The following CHRM3 variants were observed in gnomAD, a reference collection of about 807,000 sequenced individuals.
CHRM3 encodes cholinergic receptor muscarinic 3.
CHRM3 carries 11 observed loss-of-function variants against 41.8 expected under a neutral mutation model. The observed-to-expected ratio is 0.26, with a 90% CI of 0.17 to 0.44. The LOEUF (loss-of-function observed/expected upper bound fraction) is 0.44. Ranked by LOEUF, CHRM3 falls within the 20% of genes least tolerant of loss-of-function variation. The pLI is 1.00. For missense variants in CHRM3, 571 were observed against 745.4 expected (o/e 0.77, Z 2.72); for synonymous variants, 297 against 301.4 (o/e 0.99, Z 0.15).
At chr1:239,881,236 T>G (rs583084) in intron 6 of CHRM3, among the ~76,000 whole-genome samples, 2 of 136,782 alleles carry the variant, frequency 1.5e-5, no homozygotes, top group African/African-American at 5.9e-5. Flanking sequence ...TGAGCCGAGA[T>G]CCCGCCCCTG....
At chr1:239,523,787 T>G (rs1669813069) in intron 2 of CHRM3, among the ~76,000 whole-genome samples, 1 of 152,174 alleles carries the variant, frequency 6.6e-6, no homozygotes, top group African/African-American at 2.4e-5. Flanking sequence ...CAAACAAAAT[T>G]AATGGGATAA....
At chr1:239,467,306 A>T (rs1665800645) in intron 1 of CHRM3, among the ~76,000 whole-genome samples, 1 of 151,894 alleles carries the variant, frequency 6.6e-6, no homozygotes, top group Non-Finnish European at 1.5e-5. Flanking sequence ...AAATGCCTCT[A>T]GTTCTTTTTT....
At chr1:239,502,690 A>G (rs746020402) in intron 2 of CHRM3, among the ~76,000 whole-genome samples, 2 of 152,228 alleles carry the variant, frequency 1.3e-5, no homozygotes, top group African/African-American at 2.4e-5. Flanking sequence ...CCTTAACAAA[A>G]TACTAGCTAA....
At chr1:239,449,731 C>T (rs896127612) in intron 1 of CHRM3, among the ~76,000 whole-genome samples, 8 of 146,194 alleles carry the variant, frequency 5.5e-5, no homozygotes, top group African/African-American at 1.9e-4. Flanking sequence ...TTGTCACATT[C>T]TGGTGTGTGT....
chr1:239,623,483 G>GTATTTTTTTT (rs1553342738), intron 3 of CHRM3, among the ~76,000 whole-genome samples: 1 of 133,498 alleles, frequency 7.5e-6, no homozygotes, highest in Non-Finnish European at 1.6e-5. Flanking sequence ...TGGTGTATAA[G>GTATTTTTTTT]TTTTTTTTTT....
chr1:239,403,083 T>A (rs1017452452), intron 1 of CHRM3, among the ~76,000 whole-genome samples: 1 of 152,208 alleles, frequency 6.6e-6, no homozygotes, highest in Non-Finnish European at 1.5e-5. Context: ...ACATCTATTA[T>A]AACATTTACC....
intron 3 of CHRM3, among the ~76,000 whole-genome samples, chr1:239,592,053 T>C (rs1664218071): frequency 6.6e-6 from 1 of 152,206 alleles, no homozygotes; most frequent in Non-Finnish European, 1.5e-5. Flanking sequence ...GTTTCCAGAA[T>C]TCCAGTCTTT....
intron 6 of CHRM3, among the ~76,000 whole-genome samples, chr1:239,851,970 T>C (rs904654228): frequency 3.3e-5 from 5 of 152,132 alleles, no homozygotes; most frequent in Admixed American, 3.3e-4. Context: ...TGAGTCAGTC[T>C]GTTATTTTAA....
At chr1:239,797,418 A>G (rs990135416) in intron 5 of CHRM3, among the ~76,000 whole-genome samples, 3 of 152,154 alleles carry the variant, frequency 2.0e-5, no homozygotes, top group Admixed American at 2.0e-4. Flanking sequence ...AAAAAAAAAA[A>G]AAGAGTAAGA....
intron 2 of CHRM3, among the ~76,000 whole-genome samples, chr1:239,532,050 T>C (rs1211764264): frequency 7.8e-6 from 1 of 128,586 alleles, no homozygotes; most frequent in Non-Finnish European, 1.6e-5. Context: ...TCTTGCCCTG[T>C]CTCCCAGGCT....
intron 1 of CHRM3, among the ~76,000 whole-genome samples, chr1:239,462,837 A>T (rs1174468546): frequency 6.6e-6 from 1 of 152,226 alleles, no homozygotes. Context: ...CCATAGTGGG[A>T]AGTACACTTA....
intron 5 of CHRM3, among the ~76,000 whole-genome samples, chr1:239,801,006 A>G (rs1670170770): frequency 6.6e-6 from 1 of 152,108 alleles, no homozygotes; most frequent in African/African-American, 2.4e-5. Context: ...TTAGAGGAAA[A>G]GTTTCAAAAG....
intron 1 of CHRM3, among the ~76,000 whole-genome samples, chr1:239,480,833 C>G (rs1666804747): frequency 6.6e-6 from 1 of 152,120 alleles, no homozygotes; most frequent in Non-Finnish European, 1.5e-5. Context: ...GCTGGGATTA[C>G]AGGCGTGAGC....
At chr1:239,556,368 A>G (rs1660356146) in intron 3 of CHRM3, among the ~76,000 whole-genome samples, 1 of 152,240 alleles carries the variant, frequency 6.6e-6, no homozygotes, top group African/African-American at 2.4e-5. Flanking sequence ...TCAAAAAATA[A>G]TGTAGTCAAA....
chr1:239,710,274 T>C lies in CHRM3; in HGVS notation c.-147+31986T>C, dbSNP rs540088588. Among the ~76,000 whole-genome samples the C allele has an allele frequency of 3.9e-5, 6 of 152,296 alleles. No homozygotes were observed. In the East Asian group the frequency reaches 1.2e-3, roughly 29 times the overall value. ...CTCTCTATATATGTAACTATACCCA[T>C]ATATATGTGTTTGTATGTATATAAC... On this transcript the variant is annotated intron_variant, in intron 5 of 6. Transcript: ENST00000676153.
At chr1:239,799,855 G>A (rs989000087) in intron 5 of CHRM3, among the ~76,000 whole-genome samples, 2 of 152,160 alleles carry the variant, frequency 1.3e-5, no homozygotes, top group African/African-American at 4.8e-5. Flanking sequence ...ATGAGTAACA[G>A]GGTCAAATGA....
At chr1:239,847,214 T>G (rs61442613) in intron 6 of CHRM3, among the ~76,000 whole-genome samples, 4,850 of 152,278 alleles carry the variant, frequency 0.032, 263 homozygotes, top group African/African-American at 0.11. Flanking sequence ...ATTCAACACT[T>G]CCTTTTATTT....
chr1:239,690,590 A>T (rs1659622112), intron 5 of CHRM3, among the ~76,000 whole-genome samples: 1 of 152,036 alleles, frequency 6.6e-6, no homozygotes, highest in South Asian at 2.1e-4. Context: ...GGCTACATTA[A>T]CATAAATTGA....
At chr1:239,593,600 A>C (rs952344983) in intron 3 of CHRM3, among the ~76,000 whole-genome samples, 1 of 152,220 alleles carries the variant, frequency 6.6e-6, no homozygotes, top group Non-Finnish European at 1.5e-5. Context: ...ATGACGATGA[A>C]TATTAGAACT....
Sources: allele counts gnomAD v4.1 joint callset (sites outside exome capture counted in the v4.1 genomes callset), GRCh38; gene constraint gnomAD v4.1.1; transcripts MANE v1.5; gene names NCBI Gene and HGNC (gene_info 2026-07-23, HGNC 2026-07-21).